APBB2: variants seen among roughly 807,000 people sequenced by gnomAD.
APBB2 encodes the protein amyloid beta precursor protein binding family B member 2.
APBB2 carries 38 observed loss-of-function variants against 82.5 expected under a neutral mutation model. The observed-to-expected ratio is 0.46, with a 90% CI of 0.36 to 0.60. The LOEUF is 0.60. Ranked by LOEUF, APBB2 falls within the 20% of genes least tolerant of loss-of-function variation. The pLI, the probability that APBB2 is intolerant of heterozygous loss-of-function variation, is 0.00. For synonymous variants in APBB2, 341 were observed against 368.2 expected (o/e 0.93, Z 0.85); for missense variants, 772 against 972.3 (o/e 0.79, Z 2.74).
At chr4:41,124,444 G>A (rs1753813105) in intron 2 of APBB2, among the ~76,000 whole-genome samples, 2 of 151,978 alleles carry the variant, frequency 1.3e-5, no homozygotes, top group African/African-American at 2.4e-5. Flanking sequence ...TCTTGACGTC[G>A]TGATCCGCCC....
At chr4:41,093,983 G>C (rs1742654386) in intron 3 of APBB2, among the ~76,000 whole-genome samples, 1 of 152,100 alleles carries the variant, frequency 6.6e-6, no homozygotes, top group Admixed American at 6.5e-5. Flanking sequence ...GACTCCAGCA[G>C]GCACCAAACA....
intron 10 of APBB2, among the ~76,000 whole-genome samples, chr4:40,913,499 A>T (rs1036047781): frequency 1.3e-5 from 2 of 151,912 alleles, no homozygotes; most frequent in Non-Finnish European, 2.9e-5. Context: ...GTGCAAATAC[A>T]CTCCATCCCC....
rs1727959680 is a variant in APBB2 at position 41,056,646 on chromosome 4, A to C, written c.-51+8930T>G. Among the ~76,000 whole-genome samples the C allele has an allele frequency of 2.0e-5, 3 of 152,234 alleles. No individual in the cohort carries two copies. In the South Asian group the frequency reaches 6.2e-4, roughly 31 times the overall value. ...AATACCCCAGAGAAGTCAACACAGT[A>C]TTCGGAGTATAGCAAACACAGTCTC... On this transcript the variant is annotated intron_variant, in intron 4 of 17. Transcript: ENST00000508593.
Position 40,821,807 on chromosome 4 carries a change from T to C in APBB2, c.2112+64A>G, listed in dbSNP as rs144948953. On this transcript the variant is annotated intron_variant, in intron 17 of 17. Coordinates refer to ENST00000508593, the MANE Select transcript of APBB2 (RefSeq NM_004307.2). ...ATTTCCGTGAGTGATTCTGCTATAA[T>C]GTATGGCATATTAGAGATGAGCAGA... 223 of 1,568,614 alleles carry C rather than the reference T, an allele frequency of 1.4e-4. 1 individual carries two copies. In the East Asian group the frequency reaches 4.2e-3, roughly 30 times the overall value.
At chr4:41,186,933 T>C (rs1773065919) in intron 1 of APBB2, among the ~76,000 whole-genome samples, 2 of 152,202 alleles carry the variant, frequency 1.3e-5, no homozygotes, top group Admixed American at 6.5e-5. Context: ...TCCTTTGAAA[T>C]GCAAACAAAT....
At chr4:41,061,498 T>C (rs573214851) in intron 4 of APBB2, among the ~76,000 whole-genome samples, 1 of 152,228 alleles carries the variant, frequency 6.6e-6, no homozygotes, top group South Asian at 2.1e-4. Flanking sequence ...CGCAGGCAAA[T>C]GTGATACAAT....
At chr4:40,857,252 G>T (rs974790599) in intron 12 of APBB2, 2 of 877,426 alleles carry the variant, frequency 2.3e-6, no homozygotes, top group East Asian at 1.2e-4. Flanking sequence ...CGCCCCACCC[G>T]GCCGCACTCC....
intron 6 of APBB2, among the ~76,000 whole-genome samples, chr4:40,988,592 C>T (rs73244039): frequency 0.27 from 35,021 of 130,286 alleles, 5,491 homozygotes; most frequent in East Asian, 0.56. Flanking sequence ...GAGCCAAGAT[C>T]GTGCCACTGC....
chr4:41,049,322 C>CCG (rs1724865509), intron 4 of APBB2, among the ~76,000 whole-genome samples: 1 of 104,434 alleles, frequency 9.6e-6, no homozygotes, highest in Non-Finnish European at 2.0e-5. Flanking sequence ...GCCGCCCCGT[C>CCG]GGAGAAGTGA....
chr4:41,197,743 A>G, intron 1 of APBB2, among the ~76,000 whole-genome samples: 1 of 152,202 alleles, frequency 6.6e-6, no homozygotes, highest in African/African-American at 2.4e-5. Context: ...TACTCCTAGG[A>G]GATTTAATCA....
At chr4:41,159,967 A>AAGG (rs1491043105) in intron 1 of APBB2, among the ~76,000 whole-genome samples, 2 of 65,912 alleles carry the variant, frequency 3.0e-5, no homozygotes, top group African/African-American at 1.5e-4. Context: ...GAAGGAGAAG[A>AAGG]AGAAGAAGAA....
chr4:41,090,787 C>T (rs1311899646), intron 3 of APBB2, among the ~76,000 whole-genome samples: 1 of 152,080 alleles, frequency 6.6e-6, no homozygotes, highest in African/African-American at 2.4e-5. Flanking sequence ...ATTAAAGAAA[C>T]AATTACTGCA....
At chr4:40,851,730 ATATATATATTT>A (rs1221359320) in intron 12 of APBB2, among the ~76,000 whole-genome samples, 23 of 30,024 alleles carry the variant, frequency 7.7e-4, no homozygotes, top group Non-Finnish European at 1.2e-3. Context: ...ATATATATAT[ATATATATATTT>A]TTTTTTTTTT....
chr4:40,855,954 G>A (rs1206536815), intron 12 of APBB2, among the ~76,000 whole-genome samples: 2 of 152,118 alleles, frequency 1.3e-5, no homozygotes, highest in Non-Finnish European at 2.9e-5. Context: ...AAGGCCTCAG[G>A]ACACTTAATA....
intron 5 of APBB2, among the ~76,000 whole-genome samples, chr4:41,020,734 C>G (rs944261149): frequency 2.6e-5 from 4 of 151,784 alleles, no homozygotes; most frequent in African/African-American, 9.7e-5. Flanking sequence ...ACCACACACT[C>G]TCAAAGGATT....
intron 2 of APBB2, among the ~76,000 whole-genome samples, chr4:41,117,550 C>G (rs1420689838): frequency 1.3e-5 from 2 of 152,142 alleles, no homozygotes; most frequent in South Asian, 4.1e-4. Flanking sequence ...CTTGGCCTCC[C>G]AAAGTGCTGG....
In APBB2 at chr4:41,159,907, A is replaced by AAGGAGAAGGAGAAGGAGAAGGAGG. The variant is rs1267899128; in HGVS notation, c.-416-16766_-416-16765insCCTCCTTCTCCTTCTCCTTCTCCT. ...AAAAAAAAAAAGGAAGAAGAAGGAG[A>AAGGAGAAGGAGAAGGAGAAGGAGG]AGGAGGAGGAGGAGGAGGAGGAGGA... On this transcript the variant is annotated intron_variant, in intron 1 of 17. Transcript: ENST00000508593. 1.2e-3 allele frequency among the ~76,000 whole-genome samples: 42 copies of AAGGAGAAGGAGAAGGAGAAGGAGG among 35,604 alleles called. 9 individuals carry two copies. The highest frequency in any genetic ancestry group is 5.5e-3 in the Admixed American group (16 of 2,922). 23.4% of individuals were successfully genotyped at this position (35,604 alleles called of 152,430 possible).
intron 6 of APBB2, among the ~76,000 whole-genome samples, chr4:40,979,810 G>T (rs558253829): frequency 1.4e-4 from 22 of 152,202 alleles, no homozygotes; most frequent in Non-Finnish European, 3.1e-4. Context: ...AGAGATCACA[G>T]TCAAGGCTGA....
At chr4:40,880,564 T>G in intron 12 of APBB2, 1 of 985,480 alleles carries the variant, frequency 1.0e-6, no homozygotes, top group Non-Finnish European at 1.2e-6. Flanking sequence ...TTACATGGGT[T>G]GTTAGGCTAT....
Sources: allele counts gnomAD v4.1 joint callset (sites outside exome capture counted in the v4.1 genomes callset), GRCh38; gene constraint gnomAD v4.1.1; transcripts MANE v1.5; gene names NCBI Gene and HGNC (gene_info 2026-07-23, HGNC 2026-07-21).